DOK2: variants seen among roughly 807,000 people sequenced by gnomAD.
DOK2 encodes docking protein 2, 56kD.
A neutral mutation model predicts 26.0 loss-of-function variants in DOK2; 28 were observed. That is an observed-to-expected ratio of 1.08 (90% CI 0.80 to 1.48). The LOEUF (loss-of-function observed/expected upper bound fraction) is 1.48. Among genes scored for constraint, DOK2 ranks in the 40% most tolerant of loss-of-function variants. The pLI is 0.00. For synonymous variants in DOK2, 282 were observed against 236.9 expected (o/e 1.19, Z -1.75); for missense variants, 682 against 558.2 (o/e 1.22, Z -2.23).
chr8:21,912,017 C>G, intron 2 of DOK2, 29 bp from the exon 3 acceptor site: 8 of 1,539,976 alleles, frequency 5.2e-6, no homozygotes, highest in Non-Finnish European at 7.0e-6. Flanking sequence ...GTCTCATCAC[C>G]TTCCCCGATC....
In DOK2 at chr8:21,909,450, G is replaced by A. The variant is rs1398934669; in HGVS notation, c.1100C>T (p.Ala367Val). The part of the protein sequence containing the change: ...YDSPQEPRGE[A>V]WRRQATADRD... ...GTCAGCTGTCGCCTGCCTCCTCCAT[G>A]CCTCACCCCGGGGCTCCTGCGGGCT... The change falls in exon 5 of 5, where the codon GCA becomes GTA. Residue 367 changes from alanine (A) to valine (V), a missense_variant. Physicochemically the swap from Ala to Val is moderately conservative, Grantham distance 64 (BLOSUM62 0). Transcript: ENST00000276420. 1.2e-6 allele frequency: 2 copies of A among 1,613,422 alleles called. No individual in the cohort carries two copies. Among genetic ancestry groups the A allele is most frequent in the South Asian group, 2.2e-5 (2 of 91,054 alleles).
chr8:21,912,608 G>A, intron 1 of DOK2, 98 bp from the exon 2 acceptor site: 1 of 1,234,494 alleles, frequency 8.1e-7, no homozygotes, highest in Non-Finnish European at 1.1e-6. Flanking sequence ...GAGGGGGACT[G>A]GGGCAGCCAC....
At position 21,909,734 on chromosome 8, in the gene DOK2, A is replaced by T. The variant is rs774829916; in HGVS notation, c.816T>A (p.Ser272=). The T allele has an allele frequency of 6.2e-7, 1 of 1,613,510 alleles. No individual in the cohort carries two copies. Among genetic ancestry groups the T allele is most frequent in the Non-Finnish European group, 8.5e-7 (1 of 1,179,986 alleles). Residue 272 remains serine, a synonymous_variant, in exon 5 of 5, where the codon TCT becomes TCA. Coordinates refer to ENST00000276420, the MANE Select transcript of DOK2 (RefSeq NM_003974.4). The part of the protein sequence containing the change: ...ASLPRPDSPY[S]RPHDSLPPPS... ...GCGGCGGCAGTGAGTCATGCGGCCG[A>T]GAGTAGGGGCTATCAGGCCGGGGCA...
Position 21,911,973 on chromosome 8 carries a change from G to A in DOK2, c.361C>T (p.Leu121Phe), listed in dbSNP as rs1809868175. 14 of 1,554,088 alleles carry A rather than the reference G, an allele frequency of 9.0e-6. No homozygotes were observed. Among genetic ancestry groups the A allele is most frequent in the African/African-American group, 4.1e-5 (3 of 73,506 alleles). ...LLAFPGQRKE[L>F]SGPEGKQSRP... ...CTCTGCTTTCCCTCTGGCCCCGAGAGCTCCTTCCTCTGCCCCTAGGGAGGA... is the reference window on the plus strand; with the variant it reads ...CTCTGCTTTCCCTCTGGCCCCGAGAACTCCTTCCTCTGCCCCTAGGGAGGA... Residue 121 changes from leucine (L) to phenylalanine (F), a missense_variant, in exon 3 of 5, where the codon CTC becomes TTC. Leu to Phe is a conservative substitution (Grantham distance 22, BLOSUM62 0). Coordinates refer to ENST00000276420, the MANE Select transcript of DOK2 (RefSeq NM_003974.4).
chr8:21,912,449 T>C lies in DOK2; in HGVS notation c.125A>G (p.Glu42Gly). Residue 42 changes from glutamate (E) to glycine (G), a missense_variant, in exon 2 of 5, where the codon GAG becomes GGG. Physicochemically the swap from Glu to Gly is moderately conservative, Grantham distance 98. Coordinates refer to ENST00000276420, the MANE Select transcript of DOK2 (RefSeq NM_003974.4). ...AGGCTTCTCCGGGCCCTCCTGCAGCTCCAGCCGGGCCAAGGCGCAGTCCGA... is the reference window on the plus strand; with the variant it reads ...AGGCTTCTCCGGGCCCTCCTGCAGCCCCAGCCGGGCCAAGGCGCAGTCCGA... ...GGSDCALARL[E>G]LQEGPEKPRR... is the part of the protein sequence containing the mutation. 2 of 1,567,264 alleles carry C rather than the reference T, an allele frequency of 1.3e-6. No individual in the cohort carries two copies. Among genetic ancestry groups the C allele is most frequent in the Non-Finnish European group, 1.7e-6 (2 of 1,158,134 alleles).
At chr8:21,912,038 C>T (rs766932253) in intron 2 of DOK2, 50 bp from the exon 3 acceptor site, 1 of 1,528,688 alleles carries the variant, frequency 6.5e-7, no homozygotes. Flanking sequence ...CCCAGGCCCC[C>T]CTCTGGCCCA....
At chr8:21,910,926 C>G in intron 3 of DOK2, 69 bp from the exon 4 acceptor site, 1 of 1,485,984 alleles carries the variant, frequency 6.7e-7, no homozygotes, top group Non-Finnish European at 9.0e-7. Context: ...CACCACTGCC[C>G]AGTTCTAAAT....
chr8:21,912,475 C>T lies in DOK2; in HGVS notation c.99G>A (p.Gly33=). 1.3e-6 allele frequency: 2 copies of T among 1,559,462 alleles called. No homozygotes were observed. The highest frequency in any genetic ancestry group is 1.7e-6 in the Non-Finnish European group (2 of 1,154,506). The change falls in exon 2 of 5, where the codon GGG becomes GGA. Residue 33 remains glycine (G), a synonymous_variant. Coordinates refer to ENST00000276420, the MANE Select transcript of DOK2 (RefSeq NM_003974.4). ...CCAGCCGGGCCAAGGCGCAGTCCGACCCTCCATACAGTGAGGCGCCGAAGC... is the reference window on the plus strand; with the variant it reads ...CCAGCCGGGCCAAGGCGCAGTCCGATCCTCCATACAGTGAGGCGCCGAAGC... The part of the protein sequence containing the change: ...WRRFGASLYG[G]SDCALARLEL...
rs1809709185 is a variant in DOK2 at position 21,909,119 on chromosome 8, T to A, written c.*192A>T. On this transcript the variant is annotated 3_prime_UTR_variant, in exon 5 of 5. Coordinates refer to ENST00000276420, the MANE Select transcript of DOK2 (RefSeq NM_003974.4). Reference sequence around the variant, plus strand: ...AAAGAGTAGGAGGAGGGTGGTTCTCTCCAGGGCACCCTTCCTGCTTTGGGA... The same window carrying A: ...AAAGAGTAGGAGGAGGGTGGTTCTCACCAGGGCACCCTTCCTGCTTTGGGA... 8.1e-6 allele frequency: 5 copies of A among 616,924 alleles called. No homozygotes were observed. The highest frequency in any genetic ancestry group is 1.1e-5 in the Non-Finnish European group (4 of 359,176). The allele number at this position is 616,924 out of a possible 1,614,324, so 38.2% of individuals were successfully genotyped here.
chr8:21,911,200 G>A (rs920560198), intron 3 of DOK2: 12 of 265,190 alleles, frequency 4.5e-5, no homozygotes, highest in East Asian at 1.8e-4. Flanking sequence ...TAGTCCCTAC[G>A]GTCACAGCTG....
At chr8:21,910,617 C>T in intron 4 of DOK2, 56 bp downstream of exon 4, 2 of 1,601,386 alleles carry the variant, frequency 1.2e-6, no homozygotes, top group South Asian at 2.2e-5. Context: ...TCTCACCCCT[C>T]TTTGTTCGTA....
chr8:21,913,444 T>TA, intron 1 of DOK2, 95 bp downstream of exon 1: 1 of 1,478,556 alleles, frequency 6.8e-7, no homozygotes. Context: ...CAGTCAGACC[T>TA]ATAAGGGTTT....
At chr8:21,910,883 G>A (rs201260853) in intron 3 of DOK2, 26 bp from the exon 4 acceptor site, 37 of 1,576,630 alleles carry the variant, frequency 2.3e-5, no homozygotes, top group East Asian at 6.8e-5. Context: ...GAGAGAAGGC[G>A]AAGGCAGTTA....
chr8:21,910,767 C>G lies in DOK2; in HGVS notation c.524G>C (p.Gly175Ala). ...HLRGSYTLRA[G>A]ESALELWGGP... Reference sequence around the variant, plus strand: ...ACCCCACAGCTCCAGGGCACTCTCCCCAGCCCGGAGGGTATAGGACCCCCG... The same window carrying G: ...ACCCCACAGCTCCAGGGCACTCTCCGCAGCCCGGAGGGTATAGGACCCCCG... Residue 175 changes from glycine to alanine, a missense_variant, in exon 4 of 5, where the codon GGG (glycine) becomes GCG (alanine). Transcript: ENST00000276420. 1.9e-6 allele frequency: 3 copies of G among 1,614,038 alleles called. No homozygotes were observed. Among genetic ancestry groups the G allele is most frequent in the Non-Finnish European group, 2.5e-6 (3 of 1,180,008 alleles).
Position 21,909,163 on chromosome 8 carries a change from G to A in DOK2, c.*148C>T, listed in dbSNP as rs1416105827. On this transcript the variant is annotated 3_prime_UTR_variant, in exon 5 of 5. Coordinates refer to ENST00000276420, the MANE Select transcript of DOK2 (RefSeq NM_003974.4). ...TTTGGGATGGTGACTCACCCAGCAG[G>A]CCCTGGGAGAGGCAATTTATCAGCC... 4 of 945,110 alleles carry A rather than the reference G, an allele frequency of 4.2e-6. No homozygotes were observed. The East Asian group carries it at 1.0e-4, about 24-fold the overall frequency. 58.5% of individuals were successfully genotyped at this position (945,110 alleles called of 1,614,324 possible). A position where few individuals can be genotyped will look rare whatever the true frequency, so the allele number is the denominator to read the frequency against.
Position 21,909,143 on chromosome 8 carries a change from G to T in DOK2, c.*168C>A, listed in dbSNP as rs373015823. 6.7e-6 allele frequency: 5 copies of T among 744,470 alleles called. No individual in the cohort carries two copies. The highest frequency in any genetic ancestry group is 6.6e-5 in the South Asian group (3 of 45,484). The allele number at this position is 744,470 out of a possible 1,614,324, so 46.1% of individuals were successfully genotyped here. ...CTCCAGGGCACCCTTCCTGCTTTGG[G>T]ATGGTGACTCACCCAGCAGGCCCTG... On this transcript the variant is annotated 3_prime_UTR_variant, in exon 5 of 5. Transcript: ENST00000276420.
chr8:21,910,483 C>G (rs965226141), intron 4 of DOK2, among the ~76,000 whole-genome samples, 190 bp downstream of exon 4: 11 of 152,180 alleles, frequency 7.2e-5, no homozygotes, highest in African/African-American at 2.7e-4. Flanking sequence ...ACGCTGTTTA[C>G]CCCTCTACGG....
chr8:21,909,198 ACAGGC>A lies in DOK2; in HGVS notation c.*108_*112del. On this transcript the variant is annotated 3_prime_UTR_variant, in exon 5 of 5. Coordinates refer to ENST00000276420, the MANE Select transcript of DOK2 (RefSeq NM_003974.4). ...AGGCAATTTATCAGCCCCAACGAAG[ACAGGC>A]CAGGCCTCGGGCTCCAGAAGGGGCA... 7.5e-7 allele frequency: 1 copy of A among 1,330,702 alleles called. No individual in the cohort carries two copies. Among genetic ancestry groups the A allele is most frequent in the Non-Finnish European group, 1.0e-6 (1 of 977,392 alleles). 82.4% of individuals were successfully genotyped at this position (1,330,702 alleles called of 1,614,324 possible). A position where few individuals can be genotyped will look rare whatever the true frequency, so the allele number is the denominator to read the frequency against.
chr8:21,909,531 C>A lies in DOK2; in HGVS notation c.1019G>T (p.Arg340Leu), dbSNP rs372534431. The change falls in exon 5 of 5, where the codon CGA (arginine) becomes CTA (leucine). Residue 340 changes from arginine to leucine, a missense_variant. Physicochemically the swap from Arg to Leu is moderately radical, Grantham distance 102. Transcript: ENST00000276420. ...GGGCTCATCGTATATGTGGTCAGGT[C>A]GAGGGGGCAGGGTCTCCTCAATGCT... The part of the protein sequence containing the change: ...YDSIEETLPP[R>L]PDHIYDEPEG... The A allele has an allele frequency of 7.4e-6, 12 of 1,614,096 alleles. No individual in the cohort carries two copies. The highest frequency in any genetic ancestry group is 1.0e-5 in the Non-Finnish European group (12 of 1,180,032).
Sources: allele counts gnomAD v4.1 joint callset (sites outside exome capture counted in the v4.1 genomes callset), GRCh38; gene constraint gnomAD v4.1.1; transcripts MANE v1.5; gene names NCBI Gene and HGNC (gene_info 2026-07-23, HGNC 2026-07-21).